Variants in PLEKHA8 observed in about 807,000 individuals in gnomAD.
PLEKHA8 encodes the protein pleckstrin homology domain containing A8.
Under a neutral mutation model 68.2 loss-of-function variants are expected in PLEKHA8, and 36 were observed. The ratio of observed to expected loss-of-function variants is 0.53; its 90% CI spans 0.40 to 0.70. The LOEUF is 0.70. PLEKHA8 is among the 30% of genes least tolerant of loss of function. The probability of loss-of-function intolerance (pLI) is 0.00; values close to 1 mark genes in which losing one functional copy is unlikely to be tolerated. For synonymous variants in PLEKHA8, 211 were observed against 216.1 expected (o/e 0.98, Z 0.20); for missense variants, 505 against 615.4 (o/e 0.82, Z 1.90).
chr7:30,060,529 T>C (rs1277264681), intron 9 of PLEKHA8, among the ~76,000 whole-genome samples: 2 of 152,196 alleles, frequency 1.3e-5, no homozygotes, highest in African/African-American at 4.8e-5. Flanking sequence ...CGTATTTTAC[T>C]TCCAGTACAT....
chr7:30,101,360 A>C (rs1583469851), intron 13 of PLEKHA8, among the ~76,000 whole-genome samples: 3 of 152,210 alleles, frequency 2.0e-5, no homozygotes, highest in Non-Finnish European at 1.5e-5. Flanking sequence ...GAACAACGGG[A>C]GTTTATTTCT....
At chr7:30,089,537 A>G (rs1439311920), downstream of PLEKHA8, among the ~76,000 whole-genome samples, 1 of 152,222 alleles carries the variant, frequency 6.6e-6, no homozygotes. Context: ...GATGGGAAAT[A>G]TGTCAAGGAG....
At chr7:30,045,763 G>C (rs1043424517) in intron 2 of PLEKHA8, among the ~76,000 whole-genome samples, 2 of 152,134 alleles carry the variant, frequency 1.3e-5, no homozygotes, top group Non-Finnish European at 2.9e-5. Flanking sequence ...CACACTTTTG[G>C]TCTGACTTTT....
At chr7:30,052,674 C>T (rs1236689814) in intron 6 of PLEKHA8, 35 bp from the exon 7 acceptor site, 3 of 1,473,872 alleles carry the variant, frequency 2.0e-6, no homozygotes. Context: ...CAAATAACGA[C>T]CTTCTGGCTT....
intron 2 of PLEKHA8, 60 bp from the exon 3 acceptor site, chr7:30,046,150 T>G (rs10951259): frequency 0.15 from 211,224 of 1,442,980 alleles, 15,983 homozygotes; most frequent in African/African-American, 0.22. Context: ...GTTGGGTGGG[T>G]TGGAGGCTAC....
intron 13 of PLEKHA8, among the ~76,000 whole-genome samples, chr7:30,107,581 T>A (rs1239615885): frequency 6.6e-6 from 1 of 152,168 alleles, no homozygotes; most frequent in African/African-American, 2.4e-5. Flanking sequence ...TTTTATACAA[T>A]GCTGAATAGA....
At chr7:30,115,703 T>C (rs538699857) in intron 13 of PLEKHA8, 2 of 145,038 alleles carry the variant, frequency 1.4e-5, no homozygotes, top group South Asian at 2.1e-4. Context: ...CACGTATACA[T>C]GTATACATAC....
chr7:30,047,989 C>T, intron 4 of PLEKHA8, 33 bp downstream of exon 4: 1 of 1,146,486 alleles, frequency 8.7e-7, no homozygotes. Context: ...TATTAATATA[C>T]ATGAATAATA....
chr7:30,082,606 ATATT>A lies in PLEKHA8; in HGVS notation c.*3820_*3823del, dbSNP rs1794997964. ...TCCTTTTGGTTATTACTTTCCAAAT[ATATT>A]AACAAAAAGTTGATGCTTTTAACTT... is the stretch of plus-strand genomic sequence containing the variant. On this transcript the variant is annotated 3_prime_UTR_variant, in exon 14 of 14. Coordinates refer to ENST00000449726, the MANE Select transcript of PLEKHA8 (RefSeq NM_001197026.2). The A allele has an allele frequency of 1.0e-6, 1 of 985,054 alleles. No individual in the cohort carries two copies. Among genetic ancestry groups the A allele is most frequent in the Non-Finnish European group, 1.2e-6 (1 of 829,686 alleles). The allele number at this position is 985,054 out of a possible 1,614,324, so 61.0% of individuals were successfully genotyped here. A position where few individuals can be genotyped will look rare whatever the true frequency, so the allele number is the denominator to read the frequency against.
intron 13 of PLEKHA8, among the ~76,000 whole-genome samples, chr7:30,104,813 C>G (rs1299655292): frequency 6.7e-6 from 1 of 149,618 alleles, no homozygotes; most frequent in Non-Finnish European, 1.5e-5. Flanking sequence ...ATCTCCACCT[C>G]CAGGGTTCAA....
intron 9 of PLEKHA8, among the ~76,000 whole-genome samples, chr7:30,057,843 C>G (rs1793119348): frequency 6.6e-6 from 1 of 152,110 alleles, no homozygotes; most frequent in African/African-American, 2.4e-5. Flanking sequence ...GAGTAAATAC[C>G]TAGGACTGGA....
At chr7:30,050,789 G>A (rs1460734668) in intron 6 of PLEKHA8, 1 of 185,176 alleles carries the variant, frequency 5.4e-6, no homozygotes, top group Non-Finnish European at 1.1e-5. Flanking sequence ...TTCTCTCTGA[G>A]CATTGTTTTA....
intron 10 of PLEKHA8, 45 bp downstream of exon 10, chr7:30,060,987 A>C (rs1391084889): frequency 1.9e-6 from 3 of 1,561,466 alleles, no homozygotes; most frequent in Non-Finnish European, 2.6e-6. Context: ...AAATAAAGGA[A>C]AATGTTCTCA....
At chr7:30,127,917 A>G (rs1796802831) in intron 13 of PLEKHA8, among the ~76,000 whole-genome samples, 1 of 152,184 alleles carries the variant, frequency 6.6e-6, no homozygotes, top group South Asian at 2.1e-4. Context: ...TTAAGAAGTT[A>G]AATAAAATCT....
At chr7:30,055,157 C>A in intron 8 of PLEKHA8, 100 bp from the exon 9 acceptor site, 1 of 1,051,386 alleles carries the variant, frequency 9.5e-7, no homozygotes, top group Non-Finnish European at 1.5e-6. Context: ...AAACGATTTG[C>A]CCTACAGAGA....
intron 3 of PLEKHA8, among the ~76,000 whole-genome samples, chr7:30,046,688 G>T (rs181102312): frequency 2.3e-4 from 35 of 152,270 alleles, no homozygotes; most frequent in Admixed American, 1.9e-3. Flanking sequence ...AGAGGTAATA[G>T]ATCCTACCTT....
intron 7 of PLEKHA8, 64 bp from the exon 8 acceptor site, chr7:30,054,645 A>C: frequency 6.4e-6 from 7 of 1,090,488 alleles, no homozygotes; most frequent in Non-Finnish European, 8.4e-6. Flanking sequence ...AATTTTCAAC[A>C]ATCAATATGT....
intron 13 of PLEKHA8, among the ~76,000 whole-genome samples, chr7:30,106,158 AAG>A (rs1017845116): frequency 6.6e-6 from 1 of 151,690 alleles, no homozygotes; most frequent in African/African-American, 2.4e-5. Context: ...TCCCAGGTTT[AAG>A]AGATTCTCCT....
At chr7:30,116,293 T>C (rs1408370700) in intron 13 of PLEKHA8, among the ~76,000 whole-genome samples, 1 of 151,634 alleles carries the variant, frequency 6.6e-6, no homozygotes, top group East Asian at 1.9e-4. Context: ...CATGTATGTA[T>C]TCATACATGT....
Sources: gnomAD v4.1 joint callset for allele counts (sites outside exome capture counted in the v4.1 genomes callset) on GRCh38, gnomAD v4.1.1 for gene constraint, MANE v1.5 for transcripts, NCBI Gene and HGNC (gene_info 2026-07-23, HGNC 2026-07-21) for gene names.